The following MCPH1 variants were observed in gnomAD, a reference collection of about 807,000 sequenced individuals.
The protein encoded by MCPH1 is microcephalin.
In MCPH1, 104 loss-of-function variants were observed where a neutral mutation model predicts 84.5. The observed-to-expected ratio is 1.23, with a 90% CI of 1.05 to 1.45. The LOEUF is 1.45. Ranked by LOEUF, MCPH1 falls within the 40% of genes most tolerant of loss-of-function variation. The probability of loss-of-function intolerance (pLI) is 0.00; values close to 1 mark genes in which losing one functional copy is unlikely to be tolerated. For synonymous variants in MCPH1, 514 were observed against 366.8 expected (o/e 1.40, Z -4.58); for missense variants, 1,498 against 1,005.7 (o/e 1.49, Z -6.62).
intron 8 of MCPH1, chr8:6,447,131 T>G: frequency 1.0e-6 from 1 of 985,426 alleles, no homozygotes; most frequent in Non-Finnish European, 1.2e-6. Context: ...TTCTAGGACA[T>G]AAAAAGACCT....
At chr8:6,591,046 G>A (rs1828415137) in intron 12 of MCPH1, among the ~76,000 whole-genome samples, 1 of 152,238 alleles carries the variant, frequency 6.6e-6, no homozygotes, top group Admixed American at 6.5e-5. Flanking sequence ...TTGCAAGCAT[G>A]TGCCACCACA....
At chr8:6,469,063 G>C (rs1305468619) in intron 9 of MCPH1, among the ~76,000 whole-genome samples, 1 of 151,954 alleles carries the variant, frequency 6.6e-6, no homozygotes, top group Non-Finnish European at 1.5e-5. Context: ...TGGACATGAT[G>C]GTGGCCACCT....
chr8:6,602,748 A>C (rs1829470072), intron 12 of MCPH1, among the ~76,000 whole-genome samples: 1 of 150,812 alleles, frequency 6.6e-6, no homozygotes, highest in Non-Finnish European at 1.5e-5. Context: ...TCTTGGCCCA[A>C]CTCTGCATAT....
At chr8:6,481,902 A>G (rs533021596) in intron 11 of MCPH1, among the ~76,000 whole-genome samples, 1 of 152,290 alleles carries the variant, frequency 6.6e-6, no homozygotes, top group South Asian at 2.1e-4. Flanking sequence ...TGGTCTGAAA[A>G]TATTAAATGG....
At chr8:6,596,949 C>T (rs1161312891) in intron 12 of MCPH1, among the ~76,000 whole-genome samples, 1 of 152,116 alleles carries the variant, frequency 6.6e-6, no homozygotes, top group Non-Finnish European at 1.5e-5. Context: ...AGTTAGCAAC[C>T]AGTTGCTTCT....
intron 12 of MCPH1, among the ~76,000 whole-genome samples, chr8:6,591,260 T>G (rs1828430926): frequency 6.6e-6 from 1 of 152,268 alleles, no homozygotes; most frequent in Non-Finnish European, 1.5e-5. Context: ...TTAAAATCAC[T>G]GTCATTGGCT....
Position 6,460,662 on chromosome 8 carries a change from A to G in MCPH1, c.1935+5410A>G, listed in dbSNP as rs1018126314. Among the ~76,000 whole-genome samples, 16 of 151,890 alleles carry G rather than the reference A, an allele frequency of 1.1e-4. 1 individual carries two copies. The highest frequency in any genetic ancestry group is 3.4e-3 in the Middle Eastern group (1 of 294). ...CTGTTTTTCTTATCTGTTGTTTTCAATCATACGTTCCATATCTAATATGCC... is the reference window on the plus strand; with the variant it reads ...CTGTTTTTCTTATCTGTTGTTTTCAGTCATACGTTCCATATCTAATATGCC... On this transcript the variant is annotated intron_variant, in intron 9 of 13. Transcript: ENST00000344683.
intron 9 of MCPH1, among the ~76,000 whole-genome samples, chr8:6,471,818 C>T (rs977572693): frequency 3.9e-5 from 6 of 152,228 alleles, no homozygotes; most frequent in Non-Finnish European, 8.8e-5. Context: ...ACACAGCCCC[C>T]TCTTGGTCGA....
At chr8:6,494,950 C>G (rs1394915089) in intron 11 of MCPH1, among the ~76,000 whole-genome samples, 2 of 152,070 alleles carry the variant, frequency 1.3e-5, no homozygotes, top group Non-Finnish European at 2.9e-5. Flanking sequence ...CTTTAAGGCA[C>G]CACTACAACT....
chr8:6,508,694 G>C, intron 12 of MCPH1: 1 of 612,862 alleles, frequency 1.6e-6, no homozygotes, highest in East Asian at 2.7e-5. Context: ...CCTTGCCAGG[G>C]CTAGGTCCTG....
At chr8:6,455,843 C>G (rs1428646280) in intron 9 of MCPH1, among the ~76,000 whole-genome samples, 1 of 152,094 alleles carries the variant, frequency 6.6e-6, no homozygotes, top group Non-Finnish European at 1.5e-5. Context: ...TACCTTGTGC[C>G]TCATTTTTAT....
intron 9 of MCPH1, among the ~76,000 whole-genome samples, chr8:6,458,714 G>C (rs3020278): frequency 0.28 from 42,841 of 151,850 alleles, 8,209 homozygotes; most frequent in African/African-American, 0.55. Context: ...GTGTTATCTC[G>C]GCTCACTGCA....
chr8:6,436,745 G>A (rs959034774), intron 5 of MCPH1, among the ~76,000 whole-genome samples: 5 of 151,550 alleles, frequency 3.3e-5, no homozygotes, highest in African/African-American at 9.7e-5. Context: ...AGAGGCGGGC[G>A]GATCACGAGG....
chr8:6,504,652 T>A (rs924470492), intron 12 of MCPH1, among the ~76,000 whole-genome samples: 1 of 152,200 alleles, frequency 6.6e-6, no homozygotes, highest in African/African-American at 2.4e-5. Context: ...TGAAAGTTCC[T>A]GACTTAATAA....
At chr8:6,504,374 A>C (rs1812846113) in intron 12 of MCPH1, among the ~76,000 whole-genome samples, 1 of 151,726 alleles carries the variant, frequency 6.6e-6, no homozygotes, top group Admixed American at 6.6e-5. Flanking sequence ...CGTTCTGAGT[A>C]ACGGGATAAA....
intron 12 of MCPH1, among the ~76,000 whole-genome samples, chr8:6,519,224 C>T (rs1015410228): frequency 3.3e-5 from 5 of 152,176 alleles, no homozygotes; most frequent in African/African-American, 1.2e-4. Context: ...CTGCGTGTCC[C>T]TCAGACCATG....
chr8:6,621,724 G>A, intron 13 of MCPH1, 33 bp downstream of exon 13: 3 of 1,613,596 alleles, frequency 1.9e-6, no homozygotes, highest in Middle Eastern at 1.6e-4. Context: ...GCTGTGGTGT[G>A]GTCCAGATCT....
intron 2 of MCPH1, among the ~76,000 whole-genome samples, chr8:6,411,971 G>C (rs967843313): frequency 1.6e-4 from 25 of 152,148 alleles, no homozygotes; most frequent in Admixed American, 1.2e-3. Context: ...CTGAGTGAAA[G>C]AGAACCATTA....
At chr8:6,613,964 G>A (rs1454766221) in intron 12 of MCPH1, among the ~76,000 whole-genome samples, 1 of 152,106 alleles carries the variant, frequency 6.6e-6, no homozygotes, top group Non-Finnish European at 1.5e-5. Flanking sequence ...ATAGTTAATG[G>A]TGTGCTCCGT....
Sources: allele counts gnomAD v4.1 joint callset (sites outside exome capture counted in the v4.1 genomes callset), GRCh38; gene constraint gnomAD v4.1.1; transcripts MANE v1.5; gene names NCBI Gene and HGNC (gene_info 2026-07-23, HGNC 2026-07-21).